The following EXOC6 variants were observed in gnomAD, a reference collection of about 807,000 sequenced individuals.
EXOC6 encodes SEC15-like 1.
A neutral mutation model predicts 112.5 loss-of-function variants in EXOC6; 60 were observed. That is an observed-to-expected ratio of 0.53 (90% CI 0.43 to 0.66). EXOC6 has a LOEUF of 0.66. EXOC6 is among the 30% of genes least tolerant of loss of function. The probability of loss-of-function intolerance (pLI) is 0.00; values close to 1 mark genes in which losing one functional copy is unlikely to be tolerated. For synonymous variants in EXOC6, 295 were observed against 308.0 expected, an observed-to-expected ratio of 0.96 and a Z score of 0.44; for missense variants, 855 against 957.1, an observed-to-expected ratio of 0.89 and a Z score of 1.41.
upstream of EXOC6, among the ~76,000 whole-genome samples, chr10:92,845,275 G>A (rs1847006331): frequency 6.6e-6 from 1 of 152,210 alleles, no homozygotes; most frequent in African/African-American, 2.4e-5. Context: ...CCTTGGGGCT[G>A]GGCGTGGTGG....
At chr10:92,993,760 G>A in intron 18 of EXOC6, among the ~76,000 whole-genome samples, 1 of 152,158 alleles carries the variant, frequency 6.6e-6, no homozygotes. Flanking sequence ...ACAAGCAGAT[G>A]TGTTTTCTTA....
At position 92,894,937 on chromosome 10, in the gene EXOC6, T is replaced by C; in HGVS notation, c.329T>C (p.Val110Ala). 1 of 1,611,144 alleles carries C rather than the reference T, an allele frequency of 6.2e-7. No individual in the cohort carries two copies. The highest frequency in any genetic ancestry group is 8.5e-7 in the Non-Finnish European group (1 of 1,177,468). The change falls in exon 4 of 22, where the codon GTC (valine) becomes GCC (alanine). Residue 110 changes from valine to alanine, a missense_variant. Coordinates refer to ENST00000260762, the MANE Select transcript of EXOC6 (RefSeq NM_019053.6). ...CATTCCTTCTTTTCTAAGGTGATAGTCCACACAGAAGATATCATTCGATGT... is the reference window on the plus strand; with the variant it reads ...CATTCCTTCTTTTCTAAGGTGATAGCCCACACAGAAGATATCATTCGATGT... ...RFQDAGKEVI[V>A]HTEDIIRCRI... is the part of the protein sequence containing the mutation.
At chr10:93,011,207 G>GT (rs202058204) in intron 19 of EXOC6, among the ~76,000 whole-genome samples, 51 of 141,944 alleles carry the variant, frequency 3.6e-4, no homozygotes, top group Non-Finnish European at 4.6e-4. Context: ...GGGATTTATG[G>GT]TTTTTTTTTG....
chr10:92,992,799 A>G (rs1446597883), intron 18 of EXOC6, among the ~76,000 whole-genome samples: 1 of 151,890 alleles, frequency 6.6e-6, no homozygotes, highest in East Asian at 1.9e-4. Context: ...AAAGAGCTAC[A>G]ATTTATAACA....
At chr10:92,969,780 G>C (rs1842209108) in intron 17 of EXOC6, among the ~76,000 whole-genome samples, 1 of 152,024 alleles carries the variant, frequency 6.6e-6, no homozygotes, top group South Asian at 2.1e-4. Flanking sequence ...TGCAACCTCT[G>C]CCTTCCGGGT....
At chr10:93,019,075 T>G (rs1187039558) in intron 20 of EXOC6, among the ~76,000 whole-genome samples, 1 of 152,114 alleles carries the variant, frequency 6.6e-6, no homozygotes, top group Non-Finnish European at 1.5e-5. Context: ...TATTTTATTT[T>G]TAAATGTTAA....
intron 1 of EXOC6, among the ~76,000 whole-genome samples, chr10:92,885,060 T>A (rs1235588490): frequency 6.6e-6 from 1 of 152,172 alleles, no homozygotes; most frequent in African/African-American, 2.4e-5. Flanking sequence ...TTTGTATTTA[T>A]TTTACTACCA....
chr10:93,043,606 A>G (rs1031851577), intron 20 of EXOC6, among the ~76,000 whole-genome samples: 5 of 152,158 alleles, frequency 3.3e-5, no homozygotes, highest in African/African-American at 1.2e-4. Context: ...AATGGAAACA[A>G]TTGTCTTAAC....
intron 19 of EXOC6, 99 bp downstream of exon 19, chr10:92,997,714 A>G (rs956542328): frequency 9.2e-7 from 1 of 1,091,990 alleles, no homozygotes; most frequent in Non-Finnish European, 1.2e-6. Context: ...AAGGAGGGAG[A>G]AGGCCTGGTT....
intron 8 of EXOC6, 65 bp downstream of exon 8, chr10:92,920,115 A>C (rs1851346510): frequency 9.6e-7 from 1 of 1,046,002 alleles, no homozygotes; most frequent in African/African-American, 1.6e-5. Context: ...TATGTATTTT[A>C]GGCCCTAAAA....
chr10:93,002,951 T>C (rs1022371875), intron 19 of EXOC6, among the ~76,000 whole-genome samples: 1 of 152,122 alleles, frequency 6.6e-6, no homozygotes, highest in East Asian at 1.9e-4. Flanking sequence ...GTCTGTGATA[T>C]GCTAGCAAGA....
At chr10:92,921,313 C>T (rs1450732076) in intron 8 of EXOC6, among the ~76,000 whole-genome samples, 1 of 137,784 alleles carries the variant, frequency 7.3e-6, no homozygotes, top group African/African-American at 2.8e-5. Flanking sequence ...GGCATGATCT[C>T]AGATCACTGC....
chr10:92,988,237 T>C (rs914054383), intron 18 of EXOC6, among the ~76,000 whole-genome samples: 1 of 152,248 alleles, frequency 6.6e-6, no homozygotes, highest in African/African-American at 2.4e-5. Flanking sequence ...TTACCTTTTT[T>C]ACGGCTTTAT....
upstream of EXOC6, among the ~76,000 whole-genome samples, chr10:92,834,202 C>T (rs1329858393): frequency 6.6e-6 from 1 of 152,170 alleles, no homozygotes; most frequent in Non-Finnish European, 1.5e-5. Flanking sequence ...CTCAAAATCA[C>T]ATCCCATAGC....
At chr10:92,925,421 A>G (rs899102897) in intron 8 of EXOC6, among the ~76,000 whole-genome samples, 2 of 151,932 alleles carry the variant, frequency 1.3e-5, no homozygotes, top group Non-Finnish European at 2.9e-5. Flanking sequence ...CAGTCTCCCA[A>G]GTAGCTGGGA....
In EXOC6 at chr10:92,851,935, G is replaced by C. The variant is rs952004208; in HGVS notation, c.101+3301G>C. On this transcript the variant is annotated intron_variant, in intron 1 of 21. Transcript: ENST00000260762. ...ATACAAAAATTAGCTAAGTGTGGTG[G>C]TGTGTGCCTGTGGTCCCAGCTACTC... 5.3e-5 allele frequency among the ~76,000 whole-genome samples: 8 copies of C among 152,216 alleles called. No individual in the cohort carries two copies. In the South Asian group the frequency reaches 6.2e-4, roughly 12 times the overall value.
chr10:93,010,063 G>A (rs546301689), intron 19 of EXOC6, among the ~76,000 whole-genome samples: 4 of 152,250 alleles, frequency 2.6e-5, no homozygotes, highest in Admixed American at 2.0e-4. Flanking sequence ...GAGATATTTT[G>A]GGAAGTAGAA....
chr10:92,868,978 G>A (rs1323285060), intron 1 of EXOC6, among the ~76,000 whole-genome samples: 1 of 151,860 alleles, frequency 6.6e-6, no homozygotes, highest in Non-Finnish European at 1.5e-5. Context: ...TTTCTCATTA[G>A]GAGAGCTCTG....
chr10:92,899,832 T>G (rs1850057949), intron 5 of EXOC6, 188 bp downstream of exon 5: 2 of 477,666 alleles, frequency 4.2e-6, no homozygotes, highest in Middle Eastern at 5.5e-4. Context: ...TAATAAATCA[T>G]TGTCCTTTAT....
Sources: allele counts gnomAD v4.1 joint callset (sites outside exome capture counted in the v4.1 genomes callset), GRCh38; gene constraint gnomAD v4.1.1; transcripts MANE v1.5; gene names NCBI Gene and HGNC (gene_info 2026-07-23, HGNC 2026-07-21).